HSF2BP: variants seen among roughly 807,000 people sequenced by gnomAD.
HSF2BP encodes the protein heat shock factor 2-binding protein.
HSF2BP carries 35 observed loss-of-function variants against 35.0 expected under a neutral mutation model. The ratio of observed to expected loss-of-function variants is 1.00; its 90% CI spans 0.76 to 1.32. HSF2BP has a LOEUF of 1.32. HSF2BP is among the 40% of genes most tolerant of loss of function. The pLI is 0.00. For synonymous variants in HSF2BP, 114 were observed against 117.4 expected (o/e 0.97, Z 0.18); for missense variants, 326 against 321.7 (o/e 1.01, Z -0.10).
chr21:43,603,528 C>T (rs1397051001), intron 7 of HSF2BP, among the ~76,000 whole-genome samples: 1 of 152,218 alleles, frequency 6.6e-6, no homozygotes, highest in Non-Finnish European at 1.5e-5. Context: ...CAGAGCTCAC[C>T]CTGCACACAG....
intron 6 of HSF2BP, among the ~76,000 whole-genome samples, chr21:43,618,965 GA>G (rs996505013): frequency 6.6e-6 from 1 of 150,812 alleles, no homozygotes; most frequent in Non-Finnish European, 1.5e-5. Flanking sequence ...AAAAAAAAAA[GA>G]AAAAATTAAA....
Position 43,655,759 on chromosome 21 carries a change from G to A in HSF2BP, c.187+828C>T, listed in dbSNP as rs1051484179. 3.5e-4 allele frequency among the ~76,000 whole-genome samples: 54 copies of A among 152,316 alleles called. 1 individual carries two copies. The highest frequency in any genetic ancestry group is 1.1e-3 in the African/African-American group (47 of 41,558). ...AGAGAAGACTGGATCCAAGGACTTC[G>A]GAGAGAATATAAACAGGACAAGGTA... On this transcript the variant is annotated intron_variant, in intron 3 of 8. Transcript: ENST00000291560.
At chr21:43,589,643 T>C (rs897795015) in intron 8 of HSF2BP, among the ~76,000 whole-genome samples, 8 of 152,206 alleles carry the variant, frequency 5.3e-5, no homozygotes, top group Non-Finnish European at 1.0e-4. Context: ...TTATAAAGCA[T>C]GGTATTGGCA....
At chr21:43,592,166 T>C (rs1224894316) in intron 8 of HSF2BP, 59 bp downstream of exon 8, 1 of 1,126,114 alleles carries the variant, frequency 8.9e-7, no homozygotes, top group African/African-American at 1.5e-5. Context: ...GCCCCGTGGA[T>C]AAGGGAGGAC....
intron 7 of HSF2BP, 110 bp downstream of exon 7, chr21:43,613,720 G>GT: frequency 1.3e-6 from 1 of 773,918 alleles, no homozygotes; most frequent in South Asian, 1.6e-5. Context: ...ATTTCTTCTA[G>GT]TTTTTAAAAC....
At chr21:43,608,798 A>T (rs2082167039) in intron 7 of HSF2BP, among the ~76,000 whole-genome samples, 2 of 151,726 alleles carry the variant, frequency 1.3e-5, no homozygotes, top group Non-Finnish European at 1.5e-5. Context: ...CCCTATCGCT[A>T]CCAAAAAAAA....
chr21:43,657,272 A>G (rs1276312805), intron 2 of HSF2BP, among the ~76,000 whole-genome samples: 1 of 152,212 alleles, frequency 6.6e-6, no homozygotes, highest in Non-Finnish European at 1.5e-5. Flanking sequence ...ACACGGGAAG[A>G]AGGCTTGAGC....
chr21:43,657,893 G>A (rs1462401520), intron 2 of HSF2BP, 168 bp downstream of exon 2: 6 of 985,482 alleles, frequency 6.1e-6, no homozygotes, highest in Non-Finnish European at 7.2e-6. Context: ...TCCCGCCCCA[G>A]GTCTCCACCC....
At chr21:43,601,621 T>C (rs552391395) in intron 7 of HSF2BP, among the ~76,000 whole-genome samples, 1 of 152,238 alleles carries the variant, frequency 6.6e-6, no homozygotes, top group Admixed American at 6.5e-5. Flanking sequence ...CACAGCACCA[T>C]CTACCAATTT....
At chr21:43,581,033 T>C (rs1043993996) in intron 8 of HSF2BP, among the ~76,000 whole-genome samples, 4 of 152,132 alleles carry the variant, frequency 2.6e-5, no homozygotes, top group Non-Finnish European at 2.9e-5. Context: ...GGAATCAAAG[T>C]TGGGGGAGTG....
At chr21:43,579,942 A>C (rs1276291879) in intron 8 of HSF2BP, among the ~76,000 whole-genome samples, 2 of 152,224 alleles carry the variant, frequency 1.3e-5, no homozygotes. Context: ...AATATCATGG[A>C]AGTGAAGGGA....
chr21:43,578,749 TC>T (rs1249892807), intron 8 of HSF2BP, among the ~76,000 whole-genome samples: 1 of 152,150 alleles, frequency 6.6e-6, no homozygotes, highest in Non-Finnish European at 1.5e-5. Context: ...CTACACAGCC[TC>T]CCAGGTTAGA....
At chr21:43,614,809 G>A (rs906258285) in intron 6 of HSF2BP, among the ~76,000 whole-genome samples, 1 of 152,056 alleles carries the variant, frequency 6.6e-6, no homozygotes, top group Non-Finnish European at 1.5e-5. Context: ...TCTGGTCCCG[G>A]GCATTTCAGA....
chr21:43,607,766 GA>G (rs2082152655), intron 7 of HSF2BP, among the ~76,000 whole-genome samples: 1 of 152,156 alleles, frequency 6.6e-6, no homozygotes, highest in South Asian at 2.1e-4. Flanking sequence ...CAATGGAACA[GA>G]ATACAGAACC....
chr21:43,658,033 T>C (rs2082902655), intron 2 of HSF2BP, 28 bp downstream of exon 2: 2 of 1,535,626 alleles, frequency 1.3e-6, no homozygotes, highest in Non-Finnish European at 1.7e-6. Flanking sequence ...TCAAACACGC[T>C]GGCGTCGGCC....
intron 3 of HSF2BP, among the ~76,000 whole-genome samples, chr21:43,654,154 T>C (rs1416175037): frequency 6.6e-6 from 1 of 152,222 alleles, no homozygotes; most frequent in Non-Finnish European, 1.5e-5. Context: ...TAAAGTGTCA[T>C]AATGACCTCT....
At chr21:43,572,466 A>G (rs1352920151) in intron 8 of HSF2BP, among the ~76,000 whole-genome samples, 1 of 152,200 alleles carries the variant, frequency 6.6e-6, no homozygotes, top group East Asian at 1.9e-4. Flanking sequence ...TGAGGGAGAA[A>G]CAGAGGTGTG....
intron 6 of HSF2BP, among the ~76,000 whole-genome samples, chr21:43,614,328 A>C (rs926089132): frequency 3.3e-5 from 5 of 150,544 alleles, no homozygotes; most frequent in African/African-American, 9.8e-5. Flanking sequence ...ATGACACTGC[A>C]CTCCAGCCTG....
At chr21:43,619,687 C>A (rs1001141994) in intron 6 of HSF2BP, among the ~76,000 whole-genome samples, 1 of 152,230 alleles carries the variant, frequency 6.6e-6, no homozygotes, top group East Asian at 1.9e-4. Context: ...ATCTTAGGTT[C>A]CCTGGCAGAA....
Sources: allele counts gnomAD v4.1 joint callset (sites outside exome capture counted in the v4.1 genomes callset), GRCh38; gene constraint gnomAD v4.1.1; transcripts MANE v1.5; gene names NCBI Gene and HGNC (gene_info 2026-07-23, HGNC 2026-07-21).